The following TMEM156 variants were observed in gnomAD, a reference collection of about 807,000 sequenced individuals.
The protein encoded by TMEM156 is transmembrane protein 156.
TMEM156 carries 28 observed loss-of-function variants against 30.5 expected under a neutral mutation model. The observed-to-expected ratio is 0.92, with a 90% CI of 0.68 to 1.26. The LOEUF (loss-of-function observed/expected upper bound fraction) is 1.26. Ranked by LOEUF, TMEM156 falls within the 50% of genes most tolerant of loss-of-function variation. The pLI, the probability that TMEM156 is intolerant of heterozygous loss-of-function variation, is 0.00. For synonymous variants in TMEM156, 137 were observed against 119.9 expected (o/e 1.14, Z -0.93); for missense variants, 351 against 340.6 (o/e 1.03, Z -0.24).
intron 1 of TMEM156, among the ~76,000 whole-genome samples, chr4:39,017,401 G>C (rs1714573542): frequency 1.3e-5 from 2 of 151,696 alleles, no homozygotes; most frequent in South Asian, 4.2e-4. Context: ...GGATGGTCTT[G>C]ATTTCCTGAC....
chr4:38,999,524 G>C (rs1415261650), intron 1 of TMEM156, among the ~76,000 whole-genome samples: 1 of 152,154 alleles, frequency 6.6e-6, no homozygotes, highest in Non-Finnish European at 1.5e-5. Flanking sequence ...GTTGAACAGG[G>C]TATGAAAACT....
intron 3 of TMEM156, among the ~76,000 whole-genome samples, chr4:38,991,498 G>A (rs1712461418): frequency 6.6e-6 from 1 of 152,094 alleles, no homozygotes; most frequent in Admixed American, 6.6e-5. Context: ...TAGGATTACA[G>A]GCATGAGCCT....
intron 1 of TMEM156, among the ~76,000 whole-genome samples, chr4:39,000,358 C>T (rs370548006): frequency 6.6e-6 from 1 of 152,266 alleles, no homozygotes; most frequent in East Asian, 1.9e-4. Context: ...CACCACTGCA[C>T]TTCAGCTTGG....
At position 38,993,814 on chromosome 4, in the gene TMEM156, T is replaced by G; in HGVS notation, c.543A>C (p.Ile181=). The G allele has an allele frequency of 6.2e-7, 1 of 1,614,050 alleles. No homozygotes were observed. The highest frequency in any genetic ancestry group is 1.1e-5 in the South Asian group (1 of 91,088). The change falls in exon 3 of 7, where the codon ATA becomes ATC. Residue 181 remains isoleucine, a synonymous_variant. Transcript: ENST00000381938. The part of the protein sequence containing the change: ...MEDEPSKEKS[I]NYTCRIMEYP... Reference sequence around the variant, plus strand: ...ATTCCATGATTCTACAAGTGTAGTTTATCGATTTCTCCTTGCTTGGCTCAT... The same window carrying G: ...ATTCCATGATTCTACAAGTGTAGTTGATCGATTTCTCCTTGCTTGGCTCAT...
At position 39,024,184 on chromosome 4, in the gene TMEM156, T is replaced by C. The variant is rs566411147; in HGVS notation, c.88+8042A>G. Among the ~76,000 whole-genome samples, 5 of 152,310 alleles carry C rather than the reference T, an allele frequency of 3.3e-5. No individual in the cohort carries two copies. The South Asian group carries it at 1.0e-3, about 32-fold the overall frequency. On this transcript the variant is annotated intron_variant, in intron 1 of 6. Coordinates refer to ENST00000381938, the MANE Select transcript of TMEM156 (RefSeq NM_024943.3). ...CTGAGTAGCTGGGGATATAGACGCG[T>C]GCCACCACACCCAGCTAATTTTTGT...
Position 39,018,709 on chromosome 4 carries a change from C to A in TMEM156, c.88+13517G>T, listed in dbSNP as rs115053527. Reference sequence around the variant, plus strand: ...CTTTAAACTTTTTAAAGACAATCTGCATTTATCCCTGGTTATTTAAAGATC... The same window carrying A: ...CTTTAAACTTTTTAAAGACAATCTGAATTTATCCCTGGTTATTTAAAGATC... On this transcript the variant is annotated intron_variant, in intron 1 of 6. Transcript: ENST00000381938. 4.4e-3 allele frequency among the ~76,000 whole-genome samples: 669 copies of A among 152,270 alleles called. 5 individuals carry two copies. Among genetic ancestry groups the A allele is most frequent in the African/African-American group, 0.015 (642 of 41,542 alleles).
chr4:39,020,096 T>A (rs1032935805), intron 1 of TMEM156, among the ~76,000 whole-genome samples: 1 of 152,192 alleles, frequency 6.6e-6, no homozygotes, highest in Non-Finnish European at 1.5e-5. Context: ...TAGCATAGTA[T>A]CCCCCAGATT....
intron 1 of TMEM156, among the ~76,000 whole-genome samples, chr4:39,016,627 T>C (rs1714503589): frequency 6.6e-6 from 1 of 152,224 alleles, no homozygotes; most frequent in South Asian, 2.1e-4. Flanking sequence ...CTATTCTCCA[T>C]TATAGTTTCT....
chr4:38,977,353 A>G (rs1722908230), intron 5 of TMEM156, among the ~76,000 whole-genome samples: 1 of 152,202 alleles, frequency 6.6e-6, no homozygotes, highest in Non-Finnish European at 1.5e-5. Context: ...ATAAAATATA[A>G]CTGTAATTTA....
intron 1 of TMEM156, among the ~76,000 whole-genome samples, chr4:39,030,846 T>C (rs1420243842): frequency 6.6e-6 from 1 of 152,224 alleles, no homozygotes; most frequent in African/African-American, 2.4e-5. Context: ...ATTCTAACTA[T>C]TCTCTTTATA....
intron 1 of TMEM156, among the ~76,000 whole-genome samples, chr4:39,029,896 T>G (rs1224824364): frequency 6.6e-6 from 1 of 152,084 alleles, no homozygotes; most frequent in Non-Finnish European, 1.5e-5. Flanking sequence ...TTATTATTAT[T>G]ACACAATTGC....
intron 5 of TMEM156, among the ~76,000 whole-genome samples, chr4:38,981,299 C>T (rs569191205): frequency 1.3e-5 from 2 of 152,250 alleles, no homozygotes; most frequent in South Asian, 4.1e-4. Flanking sequence ...ATTATTGGGT[C>T]ATCCACTTCC....
intron 3 of TMEM156, among the ~76,000 whole-genome samples, chr4:38,990,841 T>TTGTTTTGTTTTGTTTTTG (rs1463826829): frequency 4.5e-4 from 60 of 132,470 alleles, no homozygotes; most frequent in African/African-American, 1.6e-3. Context: ...TTTTTTTTTT[T>TTGTTTTGTTTTGTTTTTG]TTTTTTTTTT....
intron 5 of TMEM156, chr4:38,980,842 ATAT>A: frequency 1.2e-6 from 1 of 802,764 alleles, no homozygotes; most frequent in Non-Finnish European, 1.5e-6. Flanking sequence ...GGGACAATCT[ATAT>A]TAAGATGAAG....
In TMEM156 at chr4:38,993,772, T is replaced by G. The variant is rs763111686; in HGVS notation, c.585A>C (p.Ile195=). Residue 195 remains isoleucine (I), a synonymous_variant, in exon 3 of 7, where the codon ATA becomes ATC. Coordinates refer to ENST00000381938, the MANE Select transcript of TMEM156 (RefSeq NM_024943.3). ...CCATCTCTAGGTGCAAAGAAATGTG[T>G]ATACAATCATTCGGGTATTCCATGA... is the stretch of plus-strand genomic sequence containing the variant. ...CRIMEYPNDC[I]HISLHLEMDI... is the part of the protein sequence containing the mutation. 2 of 1,613,488 alleles carry G rather than the reference T, an allele frequency of 1.2e-6. No homozygotes were observed. Among genetic ancestry groups the G allele is most frequent in the African/African-American group, 2.7e-5 (2 of 74,900 alleles).
intron 5 of TMEM156, among the ~76,000 whole-genome samples, chr4:38,978,418 A>G (rs1722990249): frequency 6.6e-6 from 1 of 152,168 alleles, no homozygotes; most frequent in South Asian, 2.1e-4. Context: ...TATTCTGGGC[A>G]CTGTTTTATT....
intron 1 of TMEM156, among the ~76,000 whole-genome samples, chr4:39,014,178 G>A (rs982778303): frequency 6.6e-6 from 1 of 152,098 alleles, no homozygotes; most frequent in Non-Finnish European, 1.5e-5. Flanking sequence ...ACTGACCCCT[G>A]AATAAGCTAT....
chr4:39,027,761 T>TTC (rs1715296663), intron 1 of TMEM156, among the ~76,000 whole-genome samples: 2 of 144,894 alleles, frequency 1.4e-5, no homozygotes, highest in Admixed American at 6.8e-5. Flanking sequence ...TCTTTTTCTT[T>TTC]TTTTTTTTTT....
chr4:39,023,394 T>A (rs1317478925), intron 1 of TMEM156, among the ~76,000 whole-genome samples: 3 of 152,254 alleles, frequency 2.0e-5, no homozygotes, highest in African/African-American at 7.2e-5. Flanking sequence ...ATAATGTTCA[T>A]AGCAGCATAT....
Sources: gnomAD v4.1 joint callset for allele counts (sites outside exome capture counted in the v4.1 genomes callset) on GRCh38, gnomAD v4.1.1 for gene constraint, MANE v1.5 for transcripts, NCBI Gene and HGNC (gene_info 2026-07-23, HGNC 2026-07-21) for gene names.